The following PDE4D variants were observed in gnomAD, a reference collection of about 807,000 sequenced individuals.
PDE4D encodes phosphodiesterase 4D, also known as 3',5'-cyclic-AMP phosphodiesterase 4D.
PDE4D carries 24 observed loss-of-function variants against 87.4 expected under a neutral mutation model. That is an observed-to-expected ratio of 0.27 (90% CI 0.20 to 0.39). PDE4D has a LOEUF of 0.39. PDE4D is among the 10% of genes least tolerant of loss of function. The pLI, the probability that PDE4D is intolerant of heterozygous loss-of-function variation, is 1.00. For synonymous variants in PDE4D, 384 were observed against 383.2 expected (o/e 1.00, Z -0.02); for missense variants, 714 against 1,041.0 (o/e 0.69, Z 4.32).
chr5:59,935,995 T>G (rs926022371), intron 3 of PDE4D, among the ~76,000 whole-genome samples: 1 of 152,212 alleles, frequency 6.6e-6, no homozygotes, highest in Non-Finnish European at 1.5e-5. Flanking sequence ...CTGGGTCAAA[T>G]GGTATTTCTA....
rs1741409160 is a variant in PDE4D at position 60,404,891 on chromosome 5, C to T, written c.-90+83051G>A. The stretch of plus-strand genomic sequence containing the variant: ...TCCCTTCAGGTAGAACCCAGATCAC[C>T]ATCAGGAACCAGAGAATGAGAAAAA... On this transcript the variant is annotated intron_variant, in intron 1 of 16. Coordinates refer to the PDE4D transcript ENST00000502484. Among the ~76,000 whole-genome samples the T allele has an allele frequency of 2.0e-5, 3 of 152,186 alleles. No individual in the cohort carries two copies. The South Asian group carries it at 6.2e-4, about 32-fold the overall frequency.
chr5:59,764,878 A>G (rs1171987197), intron 1 of PDE4D, among the ~76,000 whole-genome samples: 2 of 152,090 alleles, frequency 1.3e-5, no homozygotes, highest in African/African-American at 4.8e-5. Context: ...GCTGGTCTCA[A>G]ACTCCTGAGC....
At chr5:59,684,044 T>C (rs1749462640) in intron 1 of PDE4D, among the ~76,000 whole-genome samples, 1 of 152,192 alleles carries the variant, frequency 6.6e-6, no homozygotes, top group African/African-American at 2.4e-5. Flanking sequence ...AGGCTCTCTG[T>C]ACTACAAACC....
chr5:60,492,558 A>T (rs1257461484), upstream of PDE4D, among the ~76,000 whole-genome samples: 1 of 152,230 alleles, frequency 6.6e-6, no homozygotes, highest in African/African-American at 2.4e-5. Context: ...AATACTATGC[A>T]GCCATAAAAA....
chr5:59,019,874 TC>T (rs1370058584), intron 6 of PDE4D, among the ~76,000 whole-genome samples: 1 of 26,002 alleles, frequency 3.8e-5, no homozygotes, highest in African/African-American at 4.0e-4. Context: ...TGTTTCGCTA[TC>T]TATCTATCTA....
chr5:60,349,947 C>T (rs548309722), intron 1 of PDE4D, among the ~76,000 whole-genome samples: 21 of 152,222 alleles, frequency 1.4e-4, no homozygotes, highest in Non-Finnish European at 2.4e-4. Flanking sequence ...ATTCAGATAA[C>T]AACATCAATG....
chr5:60,202,319 T>A (rs1742009002), intron 1 of PDE4D, among the ~76,000 whole-genome samples: 1 of 152,046 alleles, frequency 6.6e-6, no homozygotes, highest in Admixed American at 6.5e-5. Context: ...CAGGCCACCA[T>A]ACTGGGCTAA....
intron 3 of PDE4D, among the ~76,000 whole-genome samples, chr5:59,942,769 A>G (rs906030857): frequency 6.7e-6 from 1 of 150,142 alleles, no homozygotes; most frequent in Non-Finnish European, 1.5e-5. Flanking sequence ...GAATATAGCT[A>G]GAGAGAATAG....
At position 59,070,610 on chromosome 5, in the gene PDE4D, T is replaced by G. The variant is rs149456120; in HGVS notation, c.809-31639A>C. 4.5e-3 allele frequency among the ~76,000 whole-genome samples: 684 copies of G among 152,292 alleles called. 7 individuals carry two copies. Among genetic ancestry groups the G allele is most frequent in the African/African-American group, 0.016 (652 of 41,568 alleles). ...TAGATTGATAGTCATTGTGTTTCCA[T>G]GAGCAGAACCAAAGAAAAACTATAA... On this transcript the variant is annotated intron_variant, in intron 5 of 14. Transcript: ENST00000340635.
rs745685341 is a variant in PDE4D at position 58,999,448 on chromosome 5, T to C, written c.922-5983A>G. On this transcript the variant is annotated intron_variant, in intron 6 of 14. Coordinates refer to ENST00000340635, the MANE Select transcript of PDE4D (RefSeq NM_001104631.2). ...AGTCTAAGCTTTCTAAATAATTTTGTAATCAGAGTAAGGAGTTTTCAAAAG... is the reference window on the plus strand; with the variant it reads ...AGTCTAAGCTTTCTAAATAATTTTGCAATCAGAGTAAGGAGTTTTCAAAAG... 3 of 971,968 alleles carry C rather than the reference T, an allele frequency of 3.1e-6. No individual in the cohort carries two copies. In the Admixed American group the frequency reaches 6.2e-5, roughly 20 times the overall value. The allele number at this position is 971,968 out of a possible 1,614,324, so 60.2% of individuals were successfully genotyped here. A position where few individuals can be genotyped will look rare whatever the true frequency, so the allele number is the denominator to read the frequency against.
At chr5:60,417,759 TC>T (rs1233896891) in intron 1 of PDE4D, among the ~76,000 whole-genome samples, 2 of 152,168 alleles carry the variant, frequency 1.3e-5, no homozygotes, top group Non-Finnish European at 2.9e-5. Flanking sequence ...GAGTGTTGAT[TC>T]CACAAGTATA....
At chr5:60,068,932 T>C (rs1007884881) in intron 2 of PDE4D, among the ~76,000 whole-genome samples, 1 of 152,202 alleles carries the variant, frequency 6.6e-6, no homozygotes, top group Non-Finnish European at 1.5e-5. Context: ...CATGAAACCA[T>C]TGCCAAGACC....
intron 1 of PDE4D, among the ~76,000 whole-genome samples, chr5:59,287,201 T>C (rs1432203518): frequency 6.6e-6 from 1 of 152,126 alleles, no homozygotes; most frequent in African/African-American, 2.4e-5. Flanking sequence ...AATAGATTCC[T>C]AGGCCTGGCA....
At chr5:60,456,471 T>C (rs758078354) in intron 1 of PDE4D, among the ~76,000 whole-genome samples, 1 of 152,238 alleles carries the variant, frequency 6.6e-6, no homozygotes, top group African/African-American at 2.4e-5. Context: ...GGTTGTGCTA[T>C]ACAGTGAAAA....
chr5:59,870,801 C>T (rs1026895046), intron 1 of PDE4D, among the ~76,000 whole-genome samples: 5 of 152,006 alleles, frequency 3.3e-5, no homozygotes, highest in African/African-American at 4.8e-5. Flanking sequence ...TTCTTGGCTA[C>T]GAAAGGTGAA....
intron 1 of PDE4D, among the ~76,000 whole-genome samples, chr5:59,549,961 A>G (rs889464104): frequency 2.0e-5 from 3 of 151,834 alleles, no homozygotes; most frequent in African/African-American, 4.8e-5. Flanking sequence ...CTAATCTAGT[A>G]TGATTCCTTT....
chr5:59,126,110 AGAG>A (rs1561529542), intron 5 of PDE4D, among the ~76,000 whole-genome samples: 25 of 107,086 alleles, frequency 2.3e-4, no homozygotes, highest in Admixed American at 1.5e-3. Flanking sequence ...AAAAAAAAAG[AGAG>A]AGAGAGAGAG....
chr5:58,985,435 C>T (rs746127029), intron 11 of PDE4D, among the ~76,000 whole-genome samples: 3 of 152,110 alleles, frequency 2.0e-5, no homozygotes, highest in Non-Finnish European at 2.9e-5. Context: ...GCACCTAAAG[C>T]TAAAACAACT....
At chr5:58,988,071 G>C (rs1357557145) in intron 11 of PDE4D, among the ~76,000 whole-genome samples, 1 of 152,116 alleles carries the variant, frequency 6.6e-6, no homozygotes, top group Non-Finnish European at 1.5e-5. Context: ...GAAAGAACAG[G>C]GGTTGGGCAT....
Sources: allele counts gnomAD v4.1 joint callset (sites outside exome capture counted in the v4.1 genomes callset), GRCh38; gene constraint gnomAD v4.1.1; transcripts MANE v1.5; gene names NCBI Gene and HGNC (gene_info 2026-07-23, HGNC 2026-07-21).